Variants in MLLT10 observed in about 807,000 individuals in gnomAD.
The protein encoded by MLLT10 is protein AF-10.
Under a neutral mutation model 129.1 loss-of-function variants are expected in MLLT10, and 30 were observed. The observed-to-expected ratio is 0.23, with a 90% confidence interval of 0.17 to 0.32. The LOEUF is 0.32. Among genes scored for constraint, MLLT10 ranks in the 10% least tolerant of loss-of-function variants. The probability of loss-of-function intolerance (pLI) is 1.00; values close to 1 mark genes in which losing one functional copy is unlikely to be tolerated. For synonymous variants in MLLT10, 490 were observed against 446.4 expected, an observed-to-expected ratio of 1.10 and a Z score of -1.23; for missense variants, 1,119 against 1,268.3, an observed-to-expected ratio of 0.88 and a Z score of 1.79.
intron 13 of MLLT10, among the ~76,000 whole-genome samples, chr10:21,707,444 G>C (rs1390529737): frequency 6.6e-6 from 1 of 152,042 alleles, no homozygotes; most frequent in Non-Finnish European, 1.5e-5. Flanking sequence ...GCCCGTCTCG[G>C]CCTCCCAAAG....
At chr10:21,728,013 C>T (rs2057659901) in intron 16 of MLLT10, 85 bp downstream of exon 16, 2 of 1,065,860 alleles carry the variant, frequency 1.9e-6, no homozygotes, top group East Asian at 5.1e-5. Context: ...GTAGAGTGTA[C>T]ATTTGTGAGG....
intron 5 of MLLT10, among the ~76,000 whole-genome samples, chr10:21,607,315 A>G (rs1421797912): frequency 1.4e-5 from 2 of 139,638 alleles, no homozygotes; most frequent in African/African-American, 2.7e-5. Context: ...TATGTACTCT[A>G]TGCTTTTTTT....
Position 21,534,694 on chromosome 10 carries a change from G to C in MLLT10, c.50G>C (p.Ser17Thr), listed in dbSNP as rs754123246. The change falls in exon 2 of 23, where the codon AGT becomes ACT. Residue 17 changes from serine (S) to threonine (T), a missense_variant. By Grantham distance (58) the Ser-to-Thr change is moderately conservative. Transcript: ENST00000307729. ...TCACTGGAGGACGAGGTCTCCCATA[G>C]TATGAAGGAGATGATTGGAGGCTGT... ...PVSLEDEVSH[S>T]MKEMIGGCCV... The C allele has an allele frequency of 5.6e-6, 9 of 1,613,174 alleles. No homozygotes were observed. Among genetic ancestry groups the C allele is most frequent in the South Asian group, 2.2e-5 (2 of 91,006 alleles).
intron 9 of MLLT10, among the ~76,000 whole-genome samples, chr10:21,653,578 G>T (rs1026233242): frequency 1.3e-5 from 2 of 152,118 alleles, no homozygotes; most frequent in Non-Finnish European, 2.9e-5. Flanking sequence ...GAAAGTCCAA[G>T]ATAACGTCCC....
chr10:21,552,750 C>G (rs1479705004), intron 3 of MLLT10, among the ~76,000 whole-genome samples: 1 of 151,892 alleles, frequency 6.6e-6, no homozygotes, highest in Non-Finnish European at 1.5e-5. Flanking sequence ...TTTATAGATT[C>G]ACTTTTCCTT....
chr10:21,665,338 G>C (rs2050680468), intron 9 of MLLT10, among the ~76,000 whole-genome samples: 1 of 149,354 alleles, frequency 6.7e-6, no homozygotes, highest in South Asian at 2.1e-4. Context: ...GCCCAGGCTG[G>C]AGTGCAATGG....
chr10:21,681,109 C>T (rs1324509671), intron 11 of MLLT10, among the ~76,000 whole-genome samples: 1 of 152,180 alleles, frequency 6.6e-6, no homozygotes. Flanking sequence ...AACACAGATA[C>T]ATTCCACACA....
At chr10:21,584,060 G>A (rs1214427235) in intron 3 of MLLT10, among the ~76,000 whole-genome samples, 4 of 151,686 alleles carry the variant, frequency 2.6e-5, no homozygotes, top group African/African-American at 9.7e-5. Context: ...TAATAGAGAC[G>A]GGGTTTCACC....
rs200951016 is a variant in MLLT10, at chr10:21,571,453, T to C, written c.241-14841T>C. On this transcript the variant is annotated intron_variant, in intron 3 of 22. Transcript: ENST00000307729. Reference sequence around the variant, plus strand: ...GCTCTGCCTGGGTTCCTCCTCCCTGTTCCACGACCTGGAAACTCTCTCAAG... The same window carrying C: ...GCTCTGCCTGGGTTCCTCCTCCCTGCTCCACGACCTGGAAACTCTCTCAAG... Among the ~76,000 whole-genome samples, 4 of 152,252 alleles carry C rather than the reference T, an allele frequency of 2.6e-5. No homozygotes were observed. The East Asian group carries it at 7.7e-4, about 29-fold the overall frequency.
chr10:21,734,146 T>A lies in MLLT10; in HGVS notation c.2858+17T>A. Reference sequence around the variant, plus strand: ...GACTAACAGGTAAGAAACTTAAGTATGTTTTGGGTTTTTTAGTATAACAGA... The same window carrying A: ...GACTAACAGGTAAGAAACTTAAGTAAGTTTTGGGTTTTTTAGTATAACAGA... On this transcript the variant is annotated intron_variant, in intron 20 of 22. Coordinates refer to ENST00000307729, the MANE Select transcript of MLLT10 (RefSeq NM_001195626.3). 1 of 1,573,248 alleles carries A rather than the reference T, an allele frequency of 6.4e-7. No individual in the cohort carries two copies. Among genetic ancestry groups the A allele is most frequent in the Non-Finnish European group, 8.6e-7 (1 of 1,159,166 alleles).
intron 21 of MLLT10, among the ~76,000 whole-genome samples, chr10:21,739,380 A>G (rs1236436218): frequency 6.6e-6 from 1 of 152,140 alleles, no homozygotes; most frequent in South Asian, 2.1e-4. Flanking sequence ...CTTCATCCAG[A>G]TGTTAACTTC....
chr10:21,641,429 A>G (rs2047991062), intron 8 of MLLT10, among the ~76,000 whole-genome samples: 1 of 152,238 alleles, frequency 6.6e-6, no homozygotes, highest in Non-Finnish European at 1.5e-5. Context: ...TGTTTTAAAC[A>G]CCAAAGGCAG....
In MLLT10 at chr10:21,581,248, C is replaced by T. The variant is rs191092235; in HGVS notation, c.241-5046C>T. Reference sequence around the variant, plus strand: ...ACTTTTAGTAGAGACGGGGTTTCACCGTGTTAGCCAGGATGGTCTCGATCT... The same window carrying T: ...ACTTTTAGTAGAGACGGGGTTTCACTGTGTTAGCCAGGATGGTCTCGATCT... On this transcript the variant is annotated intron_variant, in intron 3 of 22. Coordinates refer to ENST00000307729, the MANE Select transcript of MLLT10 (RefSeq NM_001195626.3). Among the ~76,000 whole-genome samples the T allele has an allele frequency of 2.2e-3, 333 of 150,682 alleles. 3 individuals carry two copies. Among genetic ancestry groups the T allele is most frequent in the African/African-American group, 7.6e-3 (310 of 40,950 alleles).
chr10:21,670,831 T>C (rs1416552630), intron 10 of MLLT10, 127 bp downstream of exon 10: 3 of 1,087,234 alleles, frequency 2.8e-6, no homozygotes, highest in African/African-American at 3.2e-5. Context: ...TATGATTAGT[T>C]GCTTTAGTAA....
At chr10:21,734,272 T>A in intron 20 of MLLT10, 143 bp downstream of exon 20, 2 of 823,118 alleles carry the variant, frequency 2.4e-6, no homozygotes, top group Non-Finnish European at 3.5e-6. Flanking sequence ...TTATACAGAG[T>A]ACATTTATTT....
chr10:21,559,283 T>C (rs1289450629), intron 3 of MLLT10, among the ~76,000 whole-genome samples: 4 of 152,136 alleles, frequency 2.6e-5, no homozygotes, highest in African/African-American at 4.8e-5. Flanking sequence ...GGGGTTTCAC[T>C]ATGTTGGCCA....
chr10:21,622,602 T>A (rs775375264), intron 8 of MLLT10, among the ~76,000 whole-genome samples: 1 of 152,218 alleles, frequency 6.6e-6, no homozygotes. Flanking sequence ...GAATTATTAT[T>A]TTTGTAGAAT....
Position 21,740,233 on chromosome 10 carries a change from A to G in MLLT10, c.3159A>G (p.Val1053=), listed in dbSNP as rs2058712399. ...ATGGAGATAATGCAAGTCAGAAAGT[A>G]GCAGTAAGTATATTTTCCTTACTAC... is the stretch of plus-strand genomic sequence containing the variant. ...TIHGDNASQK[V]ARLSDKTGPV... is the part of the protein sequence containing the mutation. Residue 1053 remains valine, a synonymous_variant, in exon 22 of 23, where the codon GTA becomes GTG. Transcript: ENST00000307729. 6.2e-7 allele frequency: 1 copy of G among 1,613,820 alleles called. No homozygotes were observed. The highest frequency in any genetic ancestry group is 1.7e-5 in the Admixed American group (1 of 60,032).
intron 3 of MLLT10, among the ~76,000 whole-genome samples, chr10:21,583,872 ATT>A (rs753865899): frequency 1.4e-5 from 2 of 144,950 alleles, no homozygotes; most frequent in Admixed American, 6.9e-5. Context: ...AATAGGCTCA[ATT>A]TTTTTTTTTT....
Sources: allele counts gnomAD v4.1 joint callset (sites outside exome capture counted in the v4.1 genomes callset), GRCh38; gene constraint gnomAD v4.1.1; transcripts MANE v1.5; gene names NCBI Gene and HGNC (gene_info 2026-07-23, HGNC 2026-07-21).